The following PSMD6 variants were observed in gnomAD, a reference collection of about 807,000 sequenced individuals.
PSMD6 encodes 26S proteasome non-ATPase regulatory subunit 6.
In PSMD6, 7 loss-of-function variants were observed where a neutral mutation model predicts 44.9. The ratio of observed to expected loss-of-function variants is 0.16; its 90% CI spans 0.09 to 0.29. The LOEUF is 0.29. Ranked by LOEUF, PSMD6 falls within the 10% of genes least tolerant of loss-of-function variation. The probability of loss-of-function intolerance (pLI) is 1.00; values close to 1 mark genes in which losing one functional copy is unlikely to be tolerated. For missense variants in PSMD6, 420 were observed against 482.6 expected (o/e 0.87, Z 1.21); for synonymous variants, 184 against 172.7 (o/e 1.07, Z -0.51).
Position 64,010,574 on chromosome 3 carries a change from T to C in PSMD6, c.*94A>G, listed in dbSNP as rs1228788653. ...TGGAAAGAAACAACAATGCAGTATT[T>C]ATTTTATACAGCTGACCTGGGCACA... On this transcript the variant is annotated 3_prime_UTR_variant, in exon 8 of 8. Transcript: ENST00000295901. 4.5e-6 allele frequency: 4 copies of C among 881,360 alleles called. No homozygotes were observed. In the African/African-American group the frequency reaches 6.9e-5, roughly 15 times the overall value. 54.6% of individuals were successfully genotyped at this position (881,360 alleles called of 1,614,324 possible).
chr3:64,010,593 G>A lies in PSMD6; in HGVS notation c.*75C>T. 1.9e-6 allele frequency: 2 copies of A among 1,077,868 alleles called. No individual in the cohort carries two copies. Among genetic ancestry groups the A allele is most frequent in the Non-Finnish European group, 1.4e-6 (1 of 737,590 alleles). The allele number at this position is 1,077,868 out of a possible 1,614,324, so 66.8% of individuals were successfully genotyped here. On this transcript the variant is annotated 3_prime_UTR_variant, in exon 8 of 8. Coordinates refer to ENST00000295901, the MANE Select transcript of PSMD6 (RefSeq NM_014814.3). Reference sequence around the variant, plus strand: ...AGTATTTATTTTATACAGCTGACCTGGGCACATTGTGAAGTAAGCTATAAA... The same window carrying A: ...AGTATTTATTTTATACAGCTGACCTAGGCACATTGTGAAGTAAGCTATAAA...
At chr3:64,022,686 T>G in intron 1 of PSMD6, 163 bp from the exon 2 acceptor site, 3 of 1,537,814 alleles carry the variant, frequency 2.0e-6, no homozygotes, top group Non-Finnish European at 2.6e-6. Flanking sequence ...TGGCAAAACA[T>G]AAACGTATGC....
rs1305992516 is a variant in PSMD6, at chr3:64,016,486, C to T, written c.826+2113G>A. 2.6e-5 allele frequency: 4 copies of T among 151,690 alleles called. 1 individual carries two copies. Among genetic ancestry groups the T allele is most frequent in the African/African-American group, 9.7e-5 (4 of 41,330 alleles). 9.4% of individuals were successfully genotyped at this position (151,690 alleles called of 1,614,324 possible). ...AAAAAAAAAGCATAAGTTCTGCTCCCAGAAATTCTAGTTAGCAAAGGAGGC... is the reference window on the plus strand; with the variant it reads ...AAAAAAAAAGCATAAGTTCTGCTCCTAGAAATTCTAGTTAGCAAAGGAGGC... On this transcript the variant is annotated intron_variant, in intron 5 of 7. Transcript: ENST00000295901.
chr3:64,011,273 T>TCAAACAAAAGACCTAAAACAAAATTATG (rs1553698291), intron 6 of PSMD6: 6 of 204,488 alleles, frequency 2.9e-5, no homozygotes, highest in African/African-American at 1.4e-4. Flanking sequence ...GTAAACTGTT[T>TCAAACAAAAGACCTAAAACAAAATTATG]CAAACAAAAG....
Position 64,013,582 on chromosome 3 carries a change from CT to C in PSMD6, c.851del (p.Lys284ArgfsTer13). On this transcript the variant is annotated frameshift_variant, in exon 6 of 8. Coordinates refer to ENST00000295901, the MANE Select transcript of PSMD6 (RefSeq NM_014814.3). LOFTEE classifies it high-confidence loss of function. ...SLAVVEQEMK[K>X]DWLFAPHYRY... Reference sequence around the variant, plus strand: ...GATAATGAGGGGCAAAAAGCCAGTCCTTTTTCATTTCCTGTTCCACAACCGC... The same window carrying C: ...GATAATGAGGGGCAAAAAGCCAGTCCTTTTCATTTCCTGTTCCACAACCGC... The C allele has an allele frequency of 6.2e-7, 1 of 1,608,472 alleles. No homozygotes were observed. The highest frequency in any genetic ancestry group is 2.2e-5 in the East Asian group (1 of 44,798).
intron 5 of PSMD6, chr3:64,016,376 G>T (rs1302527464): frequency 2.0e-5 from 3 of 151,682 alleles, no homozygotes; most frequent in Admixed American, 1.3e-4. Context: ...ACCTAGAAAA[G>T]GATACTACTT....
Position 64,018,602 on chromosome 3 carries a change from A to C in PSMD6, c.823T>G (p.Leu275Val). Residue 275 changes from leucine (L) to valine (V), a missense_variant, in exon 5 of 8, where the codon TTA (leucine) becomes GTA (valine). Transcript: ENST00000295901. ...ECRYSVFFQS[L>V]AVVEQEMKKD... ...AAAATATCAACCCTATCCTTACCTA[A>C]TGATTGGAAGAAAACAGAGTAACGG... 1 of 1,549,708 alleles carries C rather than the reference A, an allele frequency of 6.5e-7. No individual in the cohort carries two copies. Among genetic ancestry groups the C allele is most frequent in the Non-Finnish European group, 8.9e-7 (1 of 1,122,968 alleles).
At chr3:64,013,914 T>C (rs572897106) in intron 5 of PSMD6, 33 of 234,926 alleles carry the variant, frequency 1.4e-4, no homozygotes, top group African/African-American at 6.9e-4. Context: ...GAGAACTTCT[T>C]ATGCCTTAAG....
At position 64,023,453 on chromosome 3, in the gene PSMD6, A is replaced by G. The variant is rs1032220882; in HGVS notation, c.-34T>C. On this transcript the variant is annotated 5_prime_UTR_variant, in exon 1 of 8. Coordinates refer to ENST00000295901, the MANE Select transcript of PSMD6 (RefSeq NM_014814.3). ...AGGGGACAGCGGCTGACAGGACACA[A>G]CTTGGTTACGACCGGCTGCGGCAGC... is the stretch of plus-strand genomic sequence containing the variant. 54 of 1,553,966 alleles carry G rather than the reference A, an allele frequency of 3.5e-5. No individual in the cohort carries two copies. The highest frequency in any genetic ancestry group is 4.6e-5 in the Non-Finnish European group (53 of 1,143,182).
chr3:64,015,655 G>A (rs2076031590), intron 5 of PSMD6: 1 of 152,144 alleles, frequency 6.6e-6, no homozygotes, highest in Non-Finnish European at 1.5e-5. Flanking sequence ...TTACAAAACA[G>A]CATATAAAAT....
chr3:64,010,771 A>G lies in PSMD6; in HGVS notation c.1074-7T>C, dbSNP rs375750857. The G allele has an allele frequency of 3.1e-5, 49 of 1,596,064 alleles. No homozygotes were observed. The highest frequency in any genetic ancestry group is 1.7e-4 in the Middle Eastern group (1 of 6,020). On this transcript the variant is annotated splice_region_variant and splice_polypyrimidine_tract_variant and intron_variant, in intron 7 of 7. Transcript: ENST00000295901. ...CCAGTTCTTGCTATCAGGTCTATAAATAAATTCAAGAAAAAATGAATTATT... is the reference window on the plus strand; with the variant it reads ...CCAGTTCTTGCTATCAGGTCTATAAGTAAATTCAAGAAAAAATGAATTATT...
At chr3:64,019,190 T>C in intron 3 of PSMD6, 106 bp downstream of exon 3, 1 of 1,426,844 alleles carries the variant, frequency 7.0e-7, no homozygotes, top group Non-Finnish European at 9.7e-7. Flanking sequence ...CATCAATTAT[T>C]TGACCAAACT....
At chr3:64,016,571 GT>G (rs36074714) in intron 5 of PSMD6, 55,302 of 152,000 alleles carry the variant, frequency 0.36, 10,884 homozygotes, top group African/African-American at 0.52. Flanking sequence ...CACATGGCCA[GT>G]TAAGTATATG....
rs1252928826 is a variant in PSMD6 at position 64,019,370 on chromosome 3, T to C, written c.423A>G (p.Val141=). The change falls in exon 3 of 8, where the codon GTA becomes GTG. Residue 141 remains valine (V), a synonymous_variant. Transcript: ENST00000295901. ...TVALGHRLDI[V]FYLLRIGLFY... The stretch of plus-strand genomic sequence containing the variant: ...ATAAGCCAATCCTAAGGAGATAGAA[T>C]ACAATATCCAATCGGTGACCCAGGG... The C allele has an allele frequency of 1.2e-6, 2 of 1,607,002 alleles. No individual in the cohort carries two copies. Among genetic ancestry groups the C allele is most frequent in the African/African-American group, 1.3e-5 (1 of 74,858 alleles).
intron 5 of PSMD6, chr3:64,016,170 G>C (rs1156455360): frequency 1.3e-5 from 2 of 152,088 alleles, no homozygotes; most frequent in Non-Finnish European, 2.9e-5. Context: ...CTGGGCGACA[G>C]AGTGAGACTC....
intron 5 of PSMD6, chr3:64,015,296 C>T (rs1466333519): frequency 6.6e-6 from 1 of 152,164 alleles, no homozygotes; most frequent in African/African-American, 2.4e-5. Context: ...TATATTTAAC[C>T]TTTGGAAAGT....
chr3:64,010,799 C>T (rs1327911301), intron 7 of PSMD6, 35 bp from the exon 8 acceptor site: 25 of 1,576,808 alleles, frequency 1.6e-5, no homozygotes, highest in Non-Finnish European at 2.1e-5. Context: ...GAATTATTTA[C>T]CAGTCACATT....
chr3:64,022,758 A>G, intron 1 of PSMD6: 2 of 1,536,394 alleles, frequency 1.3e-6, no homozygotes, highest in South Asian at 1.2e-5. Context: ...GGCTGGAGGG[A>G]GGGCAATCCT....
intron 5 of PSMD6, 50 bp from the exon 6 acceptor site, chr3:64,013,657 A>C (rs1311988049): frequency 6.7e-7 from 1 of 1,496,922 alleles, no homozygotes; most frequent in Non-Finnish European, 8.9e-7. Flanking sequence ...TTTCAGATAA[A>C]AAGATTAAAA....
Sources: allele counts gnomAD v4.1 joint callset, GRCh38; gene constraint gnomAD v4.1.1; transcripts MANE v1.5; gene names NCBI Gene and HGNC (gene_info 2026-07-23, HGNC 2026-07-21).